Variants in ERG observed in about 807,000 individuals in gnomAD.
ERG encodes the protein transcriptional regulator ERG.
In ERG, 9 loss-of-function variants were observed where a neutral mutation model predicts 55.3. That is an observed-to-expected ratio of 0.16 (90% CI 0.10 to 0.28). ERG has a LOEUF of 0.28. ERG is among the 10% of genes least tolerant of loss of function. The probability of loss-of-function intolerance (pLI) is 1.00; values close to 1 mark genes in which losing one functional copy is unlikely to be tolerated. For synonymous variants in ERG, 223 were observed against 237.3 expected, an observed-to-expected ratio of 0.94 and a Z score of 0.55; for missense variants, 434 against 631.6, an observed-to-expected ratio of 0.69 and a Z score of 3.35.
chr21:38,496,765 A>G (rs1568855289), intron 1 of ERG, among the ~76,000 whole-genome samples: 1 of 152,234 alleles, frequency 6.6e-6, no homozygotes, highest in African/African-American at 2.4e-5. Flanking sequence ...ATTAAACAGT[A>G]TAACACATTT....
intron 1 of ERG, among the ~76,000 whole-genome samples, chr21:38,623,549 G>A (rs2060306561): frequency 6.6e-6 from 1 of 152,158 alleles, no homozygotes; most frequent in South Asian, 2.1e-4. Context: ...AGTGTTGGGG[G>A]TTTTGCCACT....
At chr21:38,470,552 A>T (rs2059130115) in intron 1 of ERG, among the ~76,000 whole-genome samples, 1 of 152,150 alleles carries the variant, frequency 6.6e-6, no homozygotes, top group African/African-American at 2.4e-5. Context: ...CATATTGACC[A>T]TCTACACAGT....
At chr21:38,399,392 G>C (rs189838191) in intron 6 of ERG, among the ~76,000 whole-genome samples, 1 of 152,188 alleles carries the variant, frequency 6.6e-6, no homozygotes, top group Non-Finnish European at 1.5e-5. Context: ...TAGAAAGAAA[G>C]AGTAGTTGCC....
intron 1 of ERG, chr21:38,450,758 T>C: frequency 5.5e-6 from 2 of 362,880 alleles, no homozygotes; most frequent in Admixed American, 7.9e-5. Flanking sequence ...AATATGAAAA[T>C]GAAAGGCTTA....
the ERG span, chr21:38,367,706 C>T: frequency 1.0e-3 from 491 of 491,150 alleles, 4 homozygotes; most frequent in African/African-American, 8.5e-3. Context: ...AAATCATAGG[C>T]GACCCATATT....
intron 9 of ERG, among the ~76,000 whole-genome samples, chr21:38,385,856 G>A (rs1251944023): frequency 6.6e-6 from 1 of 152,114 alleles, no homozygotes; most frequent in Non-Finnish European, 1.5e-5. Flanking sequence ...ATATGACCTG[G>A]GAATAGGAAA....
intron 2 of ERG, among the ~76,000 whole-genome samples, chr21:38,431,607 A>G (rs369810485): frequency 8.5e-5 from 13 of 152,340 alleles, no homozygotes; most frequent in East Asian, 3.9e-4. Flanking sequence ...CTGAGGTAGG[A>G]TACCAATTCA....
intron 1 of ERG, among the ~76,000 whole-genome samples, chr21:38,580,223 G>A (rs939393621): frequency 6.6e-6 from 1 of 152,204 alleles, no homozygotes; most frequent in African/African-American, 2.4e-5. Flanking sequence ...AAAGTGCTGG[G>A]ATTACAGGCG....
downstream of ERG, among the ~76,000 whole-genome samples, chr21:38,375,542 ATACAG>A (rs1265410565): frequency 2.0e-5 from 3 of 152,168 alleles, no homozygotes; most frequent in Non-Finnish European, 4.4e-5. Flanking sequence ...GATGCTAATA[ATACAG>A]TAACCTTATT....
At chr21:38,646,699 AT>A (rs1391216244) in intron 1 of ERG, among the ~76,000 whole-genome samples, 3 of 152,168 alleles carry the variant, frequency 2.0e-5, no homozygotes, top group African/African-American at 7.2e-5. Flanking sequence ...TTCGCTGATC[AT>A]GTTCATACCG....
chr21:38,661,738 A>G (rs556188461), upstream of ERG: 12 of 152,104 alleles, frequency 7.9e-5, no homozygotes, highest in East Asian at 2.3e-3. Context: ...CCTGTCCCGC[A>G]GCGATCTCTT....
At chr21:38,640,793 GC>G (rs1305156387) in intron 1 of ERG, among the ~76,000 whole-genome samples, 2 of 152,170 alleles carry the variant, frequency 1.3e-5, no homozygotes, top group African/African-American at 4.8e-5. Flanking sequence ...TCATGAAAAC[GC>G]AGTGATGTAT....
intron 1 of ERG, among the ~76,000 whole-genome samples, chr21:38,480,389 T>G (rs2059226218): frequency 6.6e-6 from 1 of 152,018 alleles, no homozygotes; most frequent in South Asian, 2.1e-4. Flanking sequence ...GATGCATCCT[T>G]CCTCACAGCC....
intron 1 of ERG, among the ~76,000 whole-genome samples, chr21:38,613,740 C>G (rs950356557): frequency 3.9e-5 from 6 of 152,192 alleles, no homozygotes; most frequent in African/African-American, 1.4e-4. Flanking sequence ...TCCATTCGTC[C>G]TCATCACGAT....
chr21:38,641,303 G>A (rs745906457), intron 1 of ERG, among the ~76,000 whole-genome samples: 1 of 152,198 alleles, frequency 6.6e-6, no homozygotes, highest in African/African-American at 2.4e-5. Context: ...TCTACCATTT[G>A]AGGACACAGC....
intron 1 of ERG, among the ~76,000 whole-genome samples, chr21:38,659,978 T>G (rs78389852): frequency 0.015 from 2,273 of 152,240 alleles, 51 homozygotes; most frequent in African/African-American, 0.052. Flanking sequence ...GCAAATAAAC[T>G]TAACAGCTGC....
intron 2 of ERG, among the ~76,000 whole-genome samples, chr21:38,430,602 C>T (rs1299566668): frequency 1.3e-5 from 2 of 152,212 alleles, no homozygotes; most frequent in Non-Finnish European, 2.9e-5. Context: ...AGATACTTCC[C>T]TCTGCTCACA....
At chr21:38,485,185 G>A (rs1486245873) in intron 1 of ERG, among the ~76,000 whole-genome samples, 1 of 151,970 alleles carries the variant, frequency 6.6e-6, no homozygotes, top group African/African-American at 2.4e-5. Context: ...TGATGATCCT[G>A]ACCCTGTGTA....
intron 6 of ERG, among the ~76,000 whole-genome samples, chr21:38,394,811 AAG>A (rs1988132479): frequency 6.6e-6 from 1 of 152,164 alleles, no homozygotes; most frequent in Non-Finnish European, 1.5e-5. Context: ...AAATGGTTGA[AAG>A]AGTTCTAGAT....
Sources: allele counts gnomAD v4.1 joint callset (sites outside exome capture counted in the v4.1 genomes callset), GRCh38; gene constraint gnomAD v4.1.1; transcripts MANE v1.5; gene names NCBI Gene and HGNC (gene_info 2026-07-23, HGNC 2026-07-21).